TRIM62: variants seen among roughly 807,000 people sequenced by gnomAD.
TRIM62 encodes the protein tripartite motif containing 62, also known as E3 ubiquitin-protein ligase TRIM62.
Under a neutral mutation model 44.2 loss-of-function variants are expected in TRIM62, and 39 were observed. That is an observed-to-expected ratio of 0.88 (90% CI 0.68 to 1.15). TRIM62 has a LOEUF of 1.15. Ranked by LOEUF, TRIM62 falls within the 50% of genes most tolerant of loss-of-function variation. The pLI, the probability that TRIM62 is intolerant of heterozygous loss-of-function variation, is 0.00. For synonymous variants in TRIM62, 278 were observed against 292.3 expected (o/e 0.95, Z 0.50); for missense variants, 544 against 665.5 (o/e 0.82, Z 2.01).
At position 33,178,198 on chromosome 1, in the gene TRIM62, C is replaced by T. The variant is rs77025154; in HGVS notation, c.408+2827G>A. On this transcript the variant is annotated intron_variant, in intron 1 of 4. Coordinates refer to ENST00000291416, the MANE Select transcript of TRIM62 (RefSeq NM_018207.3). ...CCCATCTGTCAAGTGGATGTGGCAC[C>T]AGATCATCTGCATGGCTCTGAGTCT... 9.9e-3 allele frequency among the ~76,000 whole-genome samples: 1,509 copies of T among 152,290 alleles called. 26 individuals carry two copies. The highest frequency in any genetic ancestry group is 0.035 in the African/African-American group (1,434 of 41,552).
At chr1:33,178,763 G>C (rs1645440040) in intron 1 of TRIM62, among the ~76,000 whole-genome samples, 1 of 152,228 alleles carries the variant, frequency 6.6e-6, no homozygotes, top group Non-Finnish European at 1.5e-5. Flanking sequence ...CAGTGCACTA[G>C]AGAGTAAGCA....
chr1:33,174,814 G>T (rs1219876920), intron 1 of TRIM62, among the ~76,000 whole-genome samples: 2 of 151,964 alleles, frequency 1.3e-5, no homozygotes, highest in Non-Finnish European at 2.9e-5. Context: ...CACAGGGCCA[G>T]GTCTTGTGTA....
chr1:33,169,869 T>C (rs969089614), intron 1 of TRIM62, among the ~76,000 whole-genome samples: 1 of 152,230 alleles, frequency 6.6e-6, no homozygotes, highest in Non-Finnish European at 1.5e-5. Flanking sequence ...GCAGACACAC[T>C]GAGCAGCTCG....
Position 33,181,619 on chromosome 1 carries a change from T to A in TRIM62, c.-187A>T, listed in dbSNP as rs1645465246. 3.0e-5 allele frequency: 34 copies of A among 1,119,400 alleles called. No homozygotes were observed. Among genetic ancestry groups the A allele is most frequent in the Non-Finnish European group, 3.7e-5 (31 of 827,570 alleles). 69.3% of individuals were successfully genotyped at this position (1,119,400 alleles called of 1,614,324 possible). The stretch of plus-strand genomic sequence containing the variant: ...GTAACGCGAGGAAGGGGTGCGCGGC[T>A]GAGACTCCGTGGGACGCCAGCCCGG... On this transcript the variant is annotated 5_prime_UTR_variant, in exon 1 of 5. Coordinates refer to ENST00000291416, the MANE Select transcript of TRIM62 (RefSeq NM_018207.3). This position sits in a 1 kb window ranked among gnomAD's most constrained non-coding sequence, Gnocchi z 6.5.
rs956495252 is a variant in TRIM62, at chr1:33,161,148, C to T, written c.505-1204G>A. 4.6e-5 allele frequency among the ~76,000 whole-genome samples: 7 copies of T among 152,206 alleles called. No homozygotes were observed. In the East Asian group the frequency reaches 5.8e-4, roughly 13 times the overall value. On this transcript the variant is annotated intron_variant, in intron 2 of 4. Coordinates refer to ENST00000291416, the MANE Select transcript of TRIM62 (RefSeq NM_018207.3). This position sits in a 1 kb window ranked among gnomAD's most constrained non-coding sequence, Gnocchi z 4.3. ...GATGAAATGAGGGGGTGTTGTTGTG[C>T]GCACTCCAAGGCGCAGAGAAAGAGC...
intron 1 of TRIM62, among the ~76,000 whole-genome samples, chr1:33,179,076 G>T (rs1645442038): frequency 6.6e-6 from 1 of 152,220 alleles, no homozygotes; most frequent in South Asian, 2.1e-4. Flanking sequence ...AACTTCTCCA[G>T]GCCTCACTTT....
chr1:33,146,924 G>A lies in TRIM62; in HGVS notation c.*253C>T, dbSNP rs1645027719. ...AGGGTTGGGCAGGGGTTGCCCTGAG[G>A]AGAAGCCATGTCACATCCTTGGATC... On this transcript the variant is annotated 3_prime_UTR_variant, in exon 5 of 5. Transcript: ENST00000291416. The A allele has an allele frequency of 1.9e-6, 1 of 531,062 alleles. No homozygotes were observed. Among genetic ancestry groups the A allele is most frequent in the East Asian group, 3.3e-5 (1 of 30,676 alleles). 32.9% of individuals were successfully genotyped at this position (531,062 alleles called of 1,614,324 possible).
chr1:33,158,224 G>C, intron 4 of TRIM62, 29 bp downstream of exon 4: 1 of 1,598,016 alleles, frequency 6.3e-7, no homozygotes, highest in Middle Eastern at 1.7e-4. Flanking sequence ...GCCCCACCTA[G>C]CTCTGGACCA....
At chr1:33,162,836 GGA>G (rs905501436) in intron 2 of TRIM62, 2 of 152,290 alleles carry the variant, frequency 1.3e-5, no homozygotes, top group Admixed American at 1.3e-4. Context: ...GGACACCCCA[GGA>G]GACATCCCAG....
At chr1:33,164,832 G>A (rs1407869160) in intron 2 of TRIM62, 4 of 152,304 alleles carry the variant, frequency 2.6e-5, no homozygotes, top group African/African-American at 9.7e-5. Flanking sequence ...AGGCTGGAGT[G>A]CAGTGGCATG....
intron 1 of TRIM62, among the ~76,000 whole-genome samples, chr1:33,166,922 T>C (rs1432027018): frequency 2.0e-5 from 3 of 152,194 alleles, no homozygotes; most frequent in Non-Finnish European, 2.9e-5. Flanking sequence ...TTAAGAAATA[T>C]TGCATTAAAT....
Position 33,158,146 on chromosome 1 carries a change from ACTCTG to A in TRIM62, c.877+102_877+106del, listed in dbSNP as rs1250370396. ...GAACACACTAGGTGCTCAGCAAGGC[ACTCTG>A]CTCATTCACCCCAACTGCCCCATGC... On this transcript the variant is annotated intron_variant, in intron 4 of 4. Transcript: ENST00000291416. 17 of 977,302 alleles carry A rather than the reference ACTCTG, an allele frequency of 1.7e-5. No homozygotes were observed. The Admixed American group carries it at 3.1e-4, about 18-fold the overall frequency. The allele number at this position is 977,302 out of a possible 1,614,324, so 60.5% of individuals were successfully genotyped here.
chr1:33,162,814 A>G (rs899949385), intron 2 of TRIM62: 1 of 152,320 alleles, frequency 6.6e-6, no homozygotes, highest in African/African-American at 2.4e-5. Flanking sequence ...CTACAAAGCC[A>G]TAGCTCTTGC....
chr1:33,147,201 C>A lies in TRIM62; in HGVS notation c.1404G>T (p.Leu468=). 1 of 1,613,788 alleles carries A rather than the reference C, an allele frequency of 6.2e-7. No homozygotes were observed. Among genetic ancestry groups the A allele is most frequent in the Non-Finnish European group, 8.5e-7 (1 of 1,180,012 alleles). The part of the protein sequence containing the change: ...SHANGKNVQP[L]RINTVRI The stretch of plus-strand genomic sequence containing the variant: ...ACTAGATGCGGACGGTGTTGATCCG[C>A]AGCGGCTGAACGTTCTTGCCATTGG... Residue 468 remains leucine (L), a synonymous_variant, in exon 5 of 5, where the codon CTG becomes CTT. Coordinates refer to ENST00000291416, the MANE Select transcript of TRIM62 (RefSeq NM_018207.3). The surrounding 1 kb of genome is among the most constrained non-coding windows in gnomAD (Gnocchi z 8.1).
At chr1:33,171,803 A>T (rs1645376649) in intron 1 of TRIM62, among the ~76,000 whole-genome samples, 1 of 152,040 alleles carries the variant, frequency 6.6e-6, no homozygotes, top group Non-Finnish European at 1.5e-5. Flanking sequence ...TTTTTTTGAG[A>T]CAGAATCTCG....
Position 33,167,408 on chromosome 1 carries a change from G to A in TRIM62, c.409-1842C>T, listed in dbSNP as rs1017496708. ...TGTCAAGTGATAAATGGGTTGTGGA[G>A]GTGAGTGCTCCCTAGCACAGGGTCC... is the stretch of plus-strand genomic sequence containing the variant. On this transcript the variant is annotated intron_variant, in intron 1 of 4. Coordinates refer to ENST00000291416, the MANE Select transcript of TRIM62 (RefSeq NM_018207.3). This position sits in a 1 kb window ranked among gnomAD's most constrained non-coding sequence, Gnocchi z 4.2. Among the ~76,000 whole-genome samples, 2 of 152,218 alleles carry A rather than the reference G, an allele frequency of 1.3e-5. No homozygotes were observed. The highest frequency in any genetic ancestry group is 1.3e-4 in the Admixed American group (2 of 15,282).
chr1:33,153,657 GA>G, intron 4 of TRIM62, among the ~76,000 whole-genome samples: 1 of 152,276 alleles, frequency 6.6e-6, no homozygotes, highest in Non-Finnish European at 1.5e-5. Flanking sequence ...CCTTATGAGG[GA>G]GTTGAGAAGG....
rs769287444 is a variant in TRIM62 at position 33,147,185 on chromosome 1, G to A, written c.1420C>T (p.Arg474Cys). 2.0e-5 allele frequency: 32 copies of A among 1,613,414 alleles called. No homozygotes were observed. The highest frequency in any genetic ancestry group is 6.7e-5 in the African/African-American group (5 of 74,910). ...NVQPLRINTV[R>C]I ...GTCTCCTTCTGCCTGGACTAGATGC[G>A]GACGGTGTTGATCCGCAGCGGCTGA... Residue 474 changes from arginine to cysteine, a missense_variant, in exon 5 of 5, where the codon CGC becomes TGC. Physicochemically the swap from Arg to Cys is radical, Grantham distance 180. Coordinates refer to ENST00000291416, the MANE Select transcript of TRIM62 (RefSeq NM_018207.3). This position sits in a 1 kb window ranked among gnomAD's most constrained non-coding sequence, Gnocchi z 8.1.
intron 1 of TRIM62, among the ~76,000 whole-genome samples, chr1:33,170,246 C>A (rs1645362456): frequency 6.6e-6 from 1 of 151,890 alleles, no homozygotes; most frequent in African/African-American, 2.4e-5. Context: ...GCAAGAATCG[C>A]TTTAACCCAG....
Sources: allele counts gnomAD v4.1 joint callset (sites outside exome capture counted in the v4.1 genomes callset), GRCh38; gene constraint gnomAD v4.1.1; non-coding constraint Gnocchi (gnomAD v3.1); transcripts MANE v1.5; gene names NCBI Gene and HGNC (gene_info 2026-07-23, HGNC 2026-07-21).